LRRC8B: variants seen among roughly 807,000 people sequenced by gnomAD.
The protein encoded by LRRC8B is volume-regulated anion channel subunit LRRC8B.
In LRRC8B, 23 loss-of-function variants were observed where a neutral mutation model predicts 58.8. The ratio of observed to expected loss-of-function variants is 0.39; its 90% CI spans 0.28 to 0.55. The LOEUF is 0.55. LRRC8B is among the 20% of genes least tolerant of loss of function. The pLI is 0.62. For missense variants in LRRC8B, 694 were observed against 936.0 expected, an observed-to-expected ratio of 0.74 and a Z score of 3.37; for synonymous variants, 359 against 374.1, an observed-to-expected ratio of 0.96 and a Z score of 0.47.
At position 89,584,325 on chromosome 1, in the gene LRRC8B, C is replaced by T. The variant is rs774975736; in HGVS notation, c.1675C>T (p.Leu559Phe). ...CCGGATCCCACAAGTTGTTACAGAC[C>T]TCCTGCCTTCATTGCAGAAACTGTC... ...LSRIPQVVTD[L>F]LPSLQKLSLD... The change falls in exon 5 of 6, where the codon CTC (leucine) becomes TTC (phenylalanine). Residue 559 changes from leucine to phenylalanine, a missense_variant. Transcript: ENST00000330947. The T allele has an allele frequency of 4.3e-6, 7 of 1,614,138 alleles. No individual in the cohort carries two copies. The Admixed American group carries it at 8.3e-5, about 19-fold the overall frequency.
intron 3 of LRRC8B, among the ~76,000 whole-genome samples, chr1:89,571,672 G>C (rs1653484137): frequency 6.6e-6 from 1 of 151,986 alleles, no homozygotes; most frequent in East Asian, 1.9e-4. Flanking sequence ...TTCCTATTTG[G>C]GTGCACTTTC....
At chr1:89,533,669 C>G (rs1182370797) in intron 1 of LRRC8B, among the ~76,000 whole-genome samples, 3 of 152,208 alleles carry the variant, frequency 2.0e-5, no homozygotes, top group African/African-American at 7.2e-5. Context: ...GCTTGGCCTC[C>G]TCCTGGATGC....
At chr1:89,563,694 A>G (rs1652846337) in intron 1 of LRRC8B, among the ~76,000 whole-genome samples, 1 of 152,210 alleles carries the variant, frequency 6.6e-6, no homozygotes, top group Non-Finnish European at 1.5e-5. Context: ...ATGTTAATAA[A>G]TAATCATGTT....
chr1:89,584,061 T>A lies in LRRC8B; in HGVS notation c.1411T>A (p.Tyr471Asn), dbSNP rs552553236. 5 of 1,614,176 alleles carry A rather than the reference T, an allele frequency of 3.1e-6. No individual in the cohort carries two copies. The South Asian group carries it at 5.5e-5, about 18-fold the overall frequency. ...QLVNLKELRV[Y>N]HSSLVVDHPA... ...GGTCAACCTCAAGGAGCTTCGTGTG[T>A]ACCATTCATCTCTGGTCGTAGACCA... The change falls in exon 5 of 6, where the codon TAC becomes AAC. Residue 471 changes from tyrosine (Y) to asparagine (N), a missense_variant. Physicochemically the swap from Tyr to Asn is moderately radical, Grantham distance 143 (BLOSUM62 -2). Coordinates refer to ENST00000330947, the MANE Select transcript of LRRC8B (RefSeq NM_001369817.2).
chr1:89,582,408 T>G (rs988863577), intron 4 of LRRC8B, among the ~76,000 whole-genome samples: 1 of 152,186 alleles, frequency 6.6e-6, no homozygotes, highest in African/African-American at 2.4e-5. Flanking sequence ...TATCACTAAA[T>G]GGTCCCCCAT....
intron 3 of LRRC8B, among the ~76,000 whole-genome samples, chr1:89,576,132 C>G (rs1203404001): frequency 6.6e-6 from 1 of 152,162 alleles, no homozygotes; most frequent in Non-Finnish European, 1.5e-5. Flanking sequence ...TTCAGCTGCT[C>G]CCTTTGTTTC....
chr1:89,586,961 C>T (rs1034242331), intron 5 of LRRC8B, among the ~76,000 whole-genome samples: 19 of 152,038 alleles, frequency 1.2e-4, no homozygotes, highest in Non-Finnish European at 2.1e-4. Context: ...ATAGGTGGCA[C>T]GGGAGAATTG....
chr1:89,562,441 A>T (rs148476199), intron 1 of LRRC8B, among the ~76,000 whole-genome samples: 1 of 152,094 alleles, frequency 6.6e-6, no homozygotes, highest in Admixed American at 6.6e-5. Context: ...AAGATTTTTT[A>T]AATTTCTTAA....
In LRRC8B at chr1:89,584,378, T is replaced by C. The variant is rs773261273; in HGVS notation, c.1728T>C (p.Val576=). 2.5e-6 allele frequency: 4 copies of C among 1,614,140 alleles called. No homozygotes were observed. In the East Asian group the frequency reaches 8.9e-5, roughly 36 times the overall value. ...TTGATAATGAGGGAAGCAAACTGGTTGTGTTGAACAACTTGAAAAAGATGG... is the reference window on the plus strand; with the variant it reads ...TTGATAATGAGGGAAGCAAACTGGTCGTGTTGAACAACTTGAAAAAGATGG... The part of the protein sequence containing the change: ...LSLDNEGSKL[V]VLNNLKKMVN... The change falls in exon 5 of 6, where the codon GTT becomes GTC. Residue 576 remains valine, a synonymous_variant. Transcript: ENST00000330947.
intron 5 of LRRC8B, 75 bp from the exon 6 acceptor site, chr1:89,592,696 T>TTTTGAAAAAA: frequency 7.8e-7 from 1 of 1,281,828 alleles, no homozygotes; most frequent in South Asian, 1.4e-5. Context: ...TTTTTTTTTT[T>TTTTGAAAAAA]GGAAAAAAGG....
chr1:89,526,044 C>A (rs1259176091), intron 1 of LRRC8B, among the ~76,000 whole-genome samples: 3 of 152,152 alleles, frequency 2.0e-5, no homozygotes, highest in African/African-American at 7.2e-5. Flanking sequence ...GCAGAACACC[C>A]CAGAAATCTT....
chr1:89,584,570 G>A lies in LRRC8B; in HGVS notation c.1920G>A (p.Leu640=), dbSNP rs370292229. The change falls in exon 5 of 6, where the codon TTG becomes TTA. Residue 640 remains leucine, a synonymous_variant. Transcript: ENST00000330947. ...TTCAGAATCTTTCCTGCTTAAAGTT[G>A]TGGCACAATAACATTGCTTATATTC... The part of the protein sequence containing the change: ...QHLQNLSCLK[L]WHNNIAYIPA... The A allele has an allele frequency of 1.2e-6, 2 of 1,614,042 alleles. No individual in the cohort carries two copies. The highest frequency in any genetic ancestry group is 1.7e-6 in the Non-Finnish European group (2 of 1,180,022).
chr1:89,576,454 C>T (rs1043754205), intron 3 of LRRC8B, among the ~76,000 whole-genome samples: 87 of 152,188 alleles, frequency 5.7e-4, no homozygotes, highest in African/African-American at 2.0e-3. Context: ...CCTGGGTTTA[C>T]GTTTCTTTTA....
intron 1 of LRRC8B, among the ~76,000 whole-genome samples, chr1:89,556,157 T>C (rs1652172659): frequency 6.6e-6 from 1 of 152,122 alleles, no homozygotes; most frequent in Non-Finnish European, 1.5e-5. Flanking sequence ...TAATCAATGA[T>C]GCCTACATAA....
intron 1 of LRRC8B, among the ~76,000 whole-genome samples, chr1:89,538,287 A>G (rs894518052): frequency 6.6e-6 from 1 of 152,238 alleles, no homozygotes; most frequent in African/African-American, 2.4e-5. Context: ...GCAAAATAAG[A>G]AACAGAGGTC....
intron 1 of LRRC8B, among the ~76,000 whole-genome samples, 185 bp from the exon 2 acceptor site, chr1:89,568,062 A>T (rs1653171197): frequency 6.6e-6 from 1 of 152,168 alleles, no homozygotes; most frequent in Non-Finnish European, 1.5e-5. Context: ...CGTTTCCCCT[A>T]TTTAAGAAGC....
chr1:89,583,535 T>G lies in LRRC8B; in HGVS notation c.885T>G (p.Ala295=), dbSNP rs755873555. The change falls in exon 5 of 6, where the codon GCT becomes GCG. Residue 295 remains alanine, a synonymous_variant. Coordinates refer to ENST00000330947, the MANE Select transcript of LRRC8B (RefSeq NM_001369817.2). The surrounding 1 kb of genome is among the most constrained non-coding windows in gnomAD (Gnocchi z 5.2). ...LEIDCSVDVQ[A]FTGYKRYQCV... is the part of the protein sequence containing the mutation. Reference sequence around the variant, plus strand: ...TCGACTGTTCAGTTGATGTGCAGGCTTTTACAGGATATAAGCGCTACCAGT... The same window carrying G: ...TCGACTGTTCAGTTGATGTGCAGGCGTTTACAGGATATAAGCGCTACCAGT... The G allele has an allele frequency of 6.2e-7, 1 of 1,612,586 alleles. No individual in the cohort carries two copies. The highest frequency in any genetic ancestry group is 8.5e-7 in the Non-Finnish European group (1 of 1,180,042).
intron 1 of LRRC8B, among the ~76,000 whole-genome samples, chr1:89,534,258 A>G (rs956151643): frequency 2.0e-5 from 3 of 152,232 alleles, no homozygotes; most frequent in Non-Finnish European, 2.9e-5. Flanking sequence ...AGACAGTCAC[A>G]TTTCTATTAT....
chr1:89,552,151 A>G (rs1371232442), intron 1 of LRRC8B, among the ~76,000 whole-genome samples: 1 of 152,158 alleles, frequency 6.6e-6, no homozygotes, highest in African/African-American at 2.4e-5. Context: ...TTCAGGAACT[A>G]CCTTCTTATT....
Sources: allele counts gnomAD v4.1 joint callset (sites outside exome capture counted in the v4.1 genomes callset), GRCh38; gene constraint gnomAD v4.1.1; non-coding constraint Gnocchi (gnomAD v3.1); transcripts MANE v1.5; gene names NCBI Gene and HGNC (gene_info 2026-07-23, HGNC 2026-07-21).